Variants in C12orf56 observed in about 807,000 individuals in gnomAD.
C12orf56 encodes the protein uncharacterized protein C12orf56.
In C12orf56, 71 loss-of-function variants were observed where a neutral mutation model predicts 69.9. The ratio of observed to expected loss-of-function variants is 1.02; its 90% CI spans 0.84 to 1.24. The LOEUF is 1.24. Ranked by LOEUF, C12orf56 falls within the 50% of genes most tolerant of loss-of-function variation. The pLI, the probability that C12orf56 is intolerant of heterozygous loss-of-function variation, is 0.00. For synonymous variants in C12orf56, 276 were observed against 274.1 expected, an observed-to-expected ratio of 1.01 and a Z score of -0.07; for missense variants, 732 against 738.5, an observed-to-expected ratio of 0.99 and a Z score of 0.10.
intron 1 of C12orf56, among the ~76,000 whole-genome samples, chr12:64,355,082 A>C (rs1258540996): frequency 2.0e-5 from 1 of 49,934 alleles, no homozygotes; most frequent in African/African-American, 4.3e-5. Context: ...CGTCTCAAAA[A>C]AAAAAAAAAA....
At chr12:64,303,074 AC>A (rs1262019606) in intron 6 of C12orf56, among the ~76,000 whole-genome samples, 1 of 151,998 alleles carries the variant, frequency 6.6e-6, no homozygotes, top group Non-Finnish European at 1.5e-5. Flanking sequence ...GGAGTTCAAG[AC>A]CAACCTGGCC....
intron 6 of C12orf56, among the ~76,000 whole-genome samples, chr12:64,293,061 G>A (rs1384196334): frequency 3.8e-4 from 58 of 152,138 alleles, no homozygotes; most frequent in Non-Finnish European, 5.0e-4. Flanking sequence ...ATGGTTCGCC[G>A]CTTTTTAAGC....
intron 1 of C12orf56, among the ~76,000 whole-genome samples, chr12:64,365,663 G>C (rs2039457835): frequency 6.8e-6 from 1 of 146,110 alleles, no homozygotes; most frequent in East Asian, 2.0e-4. Flanking sequence ...ACTTTGGGAG[G>C]CTCAGGTATA....
chr12:64,333,207 C>T (rs1423410284), intron 2 of C12orf56, among the ~76,000 whole-genome samples: 1 of 152,106 alleles, frequency 6.6e-6, no homozygotes, highest in African/African-American at 2.4e-5. Context: ...GCAATACCAA[C>T]CCAAGGAGCA....
intron 1 of C12orf56, among the ~76,000 whole-genome samples, chr12:64,370,070 C>T (rs1245908393): frequency 1.3e-5 from 2 of 150,300 alleles, no homozygotes; most frequent in Non-Finnish European, 3.0e-5. Flanking sequence ...GCTGAAATTA[C>T]AAGTGTAATT....
At chr12:64,326,266 A>G (rs892256917) in intron 3 of C12orf56, among the ~76,000 whole-genome samples, 1 of 152,192 alleles carries the variant, frequency 6.6e-6, no homozygotes, top group Non-Finnish European at 1.5e-5. Context: ...ATGGGGAGAT[A>G]TATATGATAA....
intron 11 of C12orf56, among the ~76,000 whole-genome samples, chr12:64,274,012 G>C (rs117067787): frequency 6.6e-6 from 1 of 152,190 alleles, no homozygotes; most frequent in Non-Finnish European, 1.5e-5. Flanking sequence ...CAACAGTGAC[G>C]AGGCCTATAA....
chr12:64,353,085 A>G, intron 1 of C12orf56, 29 bp from the exon 2 acceptor site: 1 of 1,604,568 alleles, frequency 6.2e-7, no homozygotes, highest in East Asian at 2.2e-5. Context: ...CACCTCATTG[A>G]AGACAAATAC....
At chr12:64,274,169 T>A (rs1592409494) in intron 11 of C12orf56, among the ~76,000 whole-genome samples, 1 of 88,286 alleles carries the variant, frequency 1.1e-5, no homozygotes, top group African/African-American at 3.2e-5. Context: ...GTTGACCAGG[T>A]GAAAAAGGGA....
intron 8 of C12orf56, among the ~76,000 whole-genome samples, chr12:64,284,103 G>A (rs1048676591): frequency 1.2e-4 from 19 of 152,068 alleles, no homozygotes; most frequent in African/African-American, 4.6e-4. Flanking sequence ...TCACCATGTT[G>A]GTCAGGCTGG....
At chr12:64,354,106 G>T in intron 1 of C12orf56, among the ~76,000 whole-genome samples, 1 of 152,170 alleles carries the variant, frequency 6.6e-6, no homozygotes, top group Non-Finnish European at 1.5e-5. Context: ...TAGAGATTCT[G>T]GGAAGACAAA....
At chr12:64,366,161 T>TTGTATAATATATAGTTTATATATTA in intron 1 of C12orf56, among the ~76,000 whole-genome samples, 1 of 128,214 alleles carries the variant, frequency 7.8e-6, no homozygotes, top group African/African-American at 3.1e-5. Context: ...AATATATAGC[T>TTGTATAATATATAGTTTATATATTA]TGTATAATAT....
At chr12:64,271,955 T>G (rs2037995449) in intron 11 of C12orf56, among the ~76,000 whole-genome samples, 1 of 152,222 alleles carries the variant, frequency 6.6e-6, no homozygotes, top group South Asian at 2.1e-4. Context: ...GGGTTAATAT[T>G]GAAGCTTTCT....
intron 1 of C12orf56, among the ~76,000 whole-genome samples, chr12:64,366,843 A>G (rs2039491174): frequency 8.6e-6 from 1 of 116,498 alleles, no homozygotes; most frequent in Non-Finnish European, 1.6e-5. Context: ...TATATATAAC[A>G]TACAGTTTAT....
In C12orf56 at chr12:64,390,689, G is replaced by C. The variant is rs1272784208; in HGVS notation, c.-124C>G. ...GCCACGCGTCGCCTCCTCTCCAGGC[G>C]CGGGGACCCGGGCCGCAACTGCAGG... On this transcript the variant is annotated 5_prime_UTR_variant, in exon 1 of 13. Transcript: ENST00000543942. 7.6e-6 allele frequency: 10 copies of C among 1,319,706 alleles called. No individual in the cohort carries two copies. In the South Asian group the frequency reaches 1.3e-4, roughly 17 times the overall value. 81.7% of individuals were successfully genotyped at this position (1,319,706 alleles called of 1,614,324 possible).
At chr12:64,277,252 A>C (rs929683474) in intron 9 of C12orf56, among the ~76,000 whole-genome samples, 1 of 152,106 alleles carries the variant, frequency 6.6e-6, no homozygotes, top group African/African-American at 2.4e-5. Flanking sequence ...TATACTGTTC[A>C]TATAAGTAGG....
At position 64,323,132 on chromosome 12, in the gene C12orf56, G is replaced by A. The variant is rs543575327; in HGVS notation, c.489-4152C>T. 4.3e-4 allele frequency among the ~76,000 whole-genome samples: 65 copies of A among 152,328 alleles called. 2 individuals carry two copies. The South Asian group carries it at 0.013, about 31-fold the overall frequency. On this transcript the variant is annotated intron_variant, in intron 3 of 12. Transcript: ENST00000543942. ...TCAGTGACTCGTGTGCTGCCCCATG[G>A]AGGATGTGGTGTTCAGGGAGAGAAG...
chr12:64,369,654 G>T (rs2039543339), intron 1 of C12orf56, among the ~76,000 whole-genome samples: 1 of 152,060 alleles, frequency 6.6e-6, no homozygotes, highest in Non-Finnish European at 1.5e-5. Flanking sequence ...AGAGAACAGA[G>T]CTATATGGAA....
chr12:64,274,791 T>G, intron 11 of C12orf56, 110 bp downstream of exon 11: 1 of 835,662 alleles, frequency 1.2e-6, no homozygotes, highest in Admixed American at 2.6e-5. Flanking sequence ...TGCTTCTGGT[T>G]GATAAACTTG....
Sources: allele counts gnomAD v4.1 joint callset (sites outside exome capture counted in the v4.1 genomes callset), GRCh38; gene constraint gnomAD v4.1.1; transcripts MANE v1.5; gene names NCBI Gene and HGNC (gene_info 2026-07-23, HGNC 2026-07-21).